PLA2G4A: variants seen among roughly 807,000 people sequenced by gnomAD.
The protein encoded by PLA2G4A is phospholipase A2 group IVA.
A neutral mutation model predicts 81.9 loss-of-function variants in PLA2G4A; 40 were observed. The ratio of observed to expected loss-of-function variants is 0.49; its 90% CI spans 0.38 to 0.64. The LOEUF is 0.64. PLA2G4A is among the 30% of genes least tolerant of loss of function. PLA2G4A has a pLI of 0.00. For synonymous variants in PLA2G4A, 302 were observed against 296.9 expected, an observed-to-expected ratio of 1.02 and a Z score of -0.18; for missense variants, 715 against 905.1, an observed-to-expected ratio of 0.79 and a Z score of 2.69.
intron 2 of PLA2G4A, among the ~76,000 whole-genome samples, chr1:186,862,341 A>C (rs376319540): frequency 6.6e-6 from 1 of 151,424 alleles, no homozygotes; most frequent in East Asian, 2.0e-4. Context: ...CAGTCTCCCA[A>C]GTAGCTGGGA....
intron 3 of PLA2G4A, among the ~76,000 whole-genome samples, chr1:186,886,568 A>C (rs961333064): frequency 6.6e-6 from 1 of 152,084 alleles, no homozygotes; most frequent in Admixed American, 6.6e-5. Flanking sequence ...CGTTCAACAA[A>C]TTTTCATTTA....
chr1:186,978,911 A>C (rs1033180145), intron 16 of PLA2G4A, among the ~76,000 whole-genome samples: 2 of 152,230 alleles, frequency 1.3e-5, no homozygotes, highest in Non-Finnish European at 2.9e-5. Context: ...GAAAGACTAC[A>C]AAATGGAATA....
intron 8 of PLA2G4A, among the ~76,000 whole-genome samples, chr1:186,935,856 A>G (rs1313602286): frequency 6.6e-6 from 1 of 152,016 alleles, no homozygotes. Flanking sequence ...CCTCCCAGAA[A>G]GTTTTCTGTG....
chr1:186,970,870 G>A (rs546029578), intron 15 of PLA2G4A, among the ~76,000 whole-genome samples: 1 of 151,656 alleles, frequency 6.6e-6, no homozygotes, highest in Admixed American at 6.6e-5. Flanking sequence ...TTTTTGCTCA[G>A]GATTGCTTTG....
intron 5 of PLA2G4A, among the ~76,000 whole-genome samples, chr1:186,895,763 C>A (rs1053433263): frequency 6.6e-6 from 1 of 152,162 alleles, no homozygotes; most frequent in African/African-American, 2.4e-5. Flanking sequence ...TGATTTTGAA[C>A]AAGTTGAACA....
intron 3 of PLA2G4A, among the ~76,000 whole-genome samples, chr1:186,886,876 G>A (rs1382227054): frequency 2.0e-5 from 3 of 152,114 alleles, no homozygotes; most frequent in African/African-American, 7.2e-5. Context: ...TTCTGTGGGT[G>A]TTATTATACT....
intron 7 of PLA2G4A, among the ~76,000 whole-genome samples, chr1:186,927,818 T>C (rs1309109339): frequency 6.6e-6 from 1 of 152,182 alleles, no homozygotes; most frequent in Admixed American, 6.5e-5. Context: ...CTGAAGGAGA[T>C]AAGAGAAATC....
chr1:186,988,343 G>C (rs369753698), intron 17 of PLA2G4A, 34 bp from the exon 18 acceptor site: 1 of 1,568,004 alleles, frequency 6.4e-7, no homozygotes, highest in African/African-American at 1.4e-5. Context: ...GTTCATAGCA[G>C]CGCTAATTAT....
intron 7 of PLA2G4A, among the ~76,000 whole-genome samples, chr1:186,926,733 G>T (rs1399870916): frequency 1.3e-5 from 2 of 152,268 alleles, no homozygotes; most frequent in African/African-American, 2.4e-5. Context: ...TGGGAACATT[G>T]TTTTACCTTT....
In PLA2G4A at chr1:186,911,205, A is replaced by C. The variant is rs367718779; in HGVS notation, c.417-43A>C. The C allele has an allele frequency of 5.2e-5, 82 of 1,590,160 alleles. No individual in the cohort carries two copies. The African/African-American group carries it at 1.0e-3, about 20-fold the overall frequency. On this transcript the variant is annotated intron_variant, in intron 6 of 17. Coordinates refer to ENST00000367466, the MANE Select transcript of PLA2G4A (RefSeq NM_024420.3). ...AGCTACCTGGATGGAAAACCAGACC[A>C]CTGGGAGCACTGGCTCATGACTTTA...
chr1:186,838,691 T>A (rs1232512072), intron 1 of PLA2G4A, among the ~76,000 whole-genome samples: 2 of 152,216 alleles, frequency 1.3e-5, no homozygotes, highest in Non-Finnish European at 2.9e-5. Flanking sequence ...TTCTGAATGA[T>A]TAACTGTTTG....
intron 7 of PLA2G4A, among the ~76,000 whole-genome samples, chr1:186,912,741 CATATATATGTATATATATACATAAGTAT>C (rs1159854302): frequency 2.9e-5 from 4 of 140,316 alleles, no homozygotes. Flanking sequence ...CATATATATA[CATATATATGTATATATATACATAAGTAT>C]ATATATATGT....
intron 15 of PLA2G4A, among the ~76,000 whole-genome samples, chr1:186,971,173 T>G (rs1012360217): frequency 6.6e-6 from 1 of 151,958 alleles, no homozygotes; most frequent in African/African-American, 2.4e-5. Context: ...ACTTATTATA[T>G]CATATACTAT....
Position 186,979,378 on chromosome 1 carries a change from A to G in PLA2G4A, c.2024A>G (p.Glu675Gly). ...GACTTTGATATTTTTGATGACCCAG[A>G]ATCACCATTTTCAACCTTCAATTTT... ...IADFDIFDDP[E>G]SPFSTFNFQY... Residue 675 changes from glutamate (E) to glycine (G), a missense_variant, in exon 17 of 18, where the codon GAA becomes GGA. Glu to Gly is a moderately conservative substitution (Grantham distance 98). Coordinates refer to ENST00000367466, the MANE Select transcript of PLA2G4A (RefSeq NM_024420.3). 1 of 1,609,430 alleles carries G rather than the reference A, an allele frequency of 6.2e-7. No individual in the cohort carries two copies. The highest frequency in any genetic ancestry group is 8.5e-7 in the Non-Finnish European group (1 of 1,175,670).
intron 3 of PLA2G4A, among the ~76,000 whole-genome samples, chr1:186,881,174 C>T (rs927711831): frequency 1.3e-5 from 2 of 152,020 alleles, no homozygotes; most frequent in African/African-American, 2.4e-5. Context: ...CTGCCTTACA[C>T]TCCCTTACAA....
At chr1:186,925,009 C>G (rs953692745) in intron 7 of PLA2G4A, among the ~76,000 whole-genome samples, 1 of 152,052 alleles carries the variant, frequency 6.6e-6, no homozygotes, top group Non-Finnish European at 1.5e-5. Flanking sequence ...GATGGTGCCA[C>G]TGCACTCCAG....
At chr1:186,865,960 T>C (rs1406626922) in intron 2 of PLA2G4A, among the ~76,000 whole-genome samples, 1 of 152,150 alleles carries the variant, frequency 6.6e-6, no homozygotes, top group Non-Finnish European at 1.5e-5. Flanking sequence ...ATCCAAAACC[T>C]GAAGGCAAAG....
At chr1:186,923,492 G>A (rs901971130) in intron 7 of PLA2G4A, among the ~76,000 whole-genome samples, 1 of 152,196 alleles carries the variant, frequency 6.6e-6, no homozygotes, top group African/African-American at 2.4e-5. Context: ...GAAGAATAAA[G>A]CTGAGATGGC....
At chr1:186,867,818 CATT>C (rs1229011532) in intron 2 of PLA2G4A, among the ~76,000 whole-genome samples, 10 of 152,054 alleles carry the variant, frequency 6.6e-5, no homozygotes, top group African/African-American at 2.4e-4. Flanking sequence ...TTAAATATGA[CATT>C]AATTATAGGT....
Sources: gnomAD v4.1 joint callset for allele counts (sites outside exome capture counted in the v4.1 genomes callset) on GRCh38, gnomAD v4.1.1 for gene constraint, MANE v1.5 for transcripts, NCBI Gene and HGNC (gene_info 2026-07-23, HGNC 2026-07-21) for gene names.